Variants in ABTB3 observed in about 807,000 individuals in gnomAD.
ABTB3 encodes ankyrin repeat and BTB domain containing 3.
At chr12:107,498,352 A>G in the ABTB3 span, among the ~76,000 whole-genome samples, 1 of 152,212 alleles carries the variant, frequency 6.6e-6, no homozygotes, top group Non-Finnish European at 1.5e-5. Context: ...GAATGACACC[A>G]TCAGGCCCCC....
chr12:107,626,599 C>T, the ABTB3 span, among the ~76,000 whole-genome samples: 1 of 152,044 alleles, frequency 6.6e-6, no homozygotes, highest in African/African-American at 2.4e-5. Flanking sequence ...CTGCCTGCCT[C>T]AGCCTCCCAA....
At chr12:107,483,859 T>C in the ABTB3 span, among the ~76,000 whole-genome samples, 2 of 152,094 alleles carry the variant, frequency 1.3e-5, no homozygotes, top group Non-Finnish European at 2.9e-5. Flanking sequence ...GCTAATTTTT[T>C]TAAAAAAGTT....
At chr12:107,321,398 C>A in the ABTB3 span, among the ~76,000 whole-genome samples, 1 of 152,182 alleles carries the variant, frequency 6.6e-6, no homozygotes, top group Non-Finnish European at 1.5e-5. Context: ...CCTTTGGAAA[C>A]CGACCCTGCC....
the ABTB3 span, among the ~76,000 whole-genome samples, chr12:107,657,094 A>T: frequency 6.6e-6 from 1 of 152,232 alleles, no homozygotes; most frequent in Non-Finnish European, 1.5e-5. Context: ...TTCCAGCTCC[A>T]GGATTTGTGC....
chr12:107,438,511 T>C, the ABTB3 span, among the ~76,000 whole-genome samples: 4 of 152,212 alleles, frequency 2.6e-5, no homozygotes, highest in African/African-American at 9.7e-5. Context: ...ACCAGAAACC[T>C]GTGTGCTGCA....
At chr12:107,391,015 G>T in the ABTB3 span, among the ~76,000 whole-genome samples, 1 of 152,162 alleles carries the variant, frequency 6.6e-6, no homozygotes. Context: ...GCTGGGTGTG[G>T]TGGCATGTGC....
At chr12:107,416,297 T>A in the ABTB3 span, among the ~76,000 whole-genome samples, 1 of 152,176 alleles carries the variant, frequency 6.6e-6, no homozygotes, top group African/African-American at 2.4e-5. Flanking sequence ...CGTATGCTCT[T>A]CCTTCCTTTT....
chr12:107,519,331 C>CTT, the ABTB3 span, among the ~76,000 whole-genome samples: 13,671 of 139,988 alleles, frequency 0.098, 793 homozygotes, highest in South Asian at 0.15. Context: ...TTTTCTTTTT[C>CTT]TTTTTTTTTT....
the ABTB3 span, among the ~76,000 whole-genome samples, chr12:107,652,818 G>T: frequency 5.3e-5 from 8 of 152,258 alleles, no homozygotes; most frequent in African/African-American, 1.9e-4. Context: ...ACTGCATTTT[G>T]TTCCACGTGC....
At chr12:107,511,224 A>G in the ABTB3 span, among the ~76,000 whole-genome samples, 2 of 152,242 alleles carry the variant, frequency 1.3e-5, no homozygotes, top group African/African-American at 2.4e-5. Context: ...ACACAGCAAC[A>G]TGGGGAAAAG....
the ABTB3 span, chr12:107,649,176 G>A: frequency 6.3e-7 from 1 of 1,590,786 alleles, no homozygotes; most frequent in Non-Finnish European, 8.6e-7. Flanking sequence ...CGTCTTTGCT[G>A]TTGACACTGT....
chr12:107,331,296 C>T, the ABTB3 span, among the ~76,000 whole-genome samples: 2 of 152,232 alleles, frequency 1.3e-5, no homozygotes, highest in African/African-American at 4.8e-5. Flanking sequence ...AGCAAAGCCA[C>T]AGGTGCTTCC....
the ABTB3 span, among the ~76,000 whole-genome samples, chr12:107,340,083 G>A: frequency 2.6e-5 from 4 of 151,376 alleles, no homozygotes; most frequent in Admixed American, 6.6e-5. Flanking sequence ...GCCCCCCAAC[G>A]AAATTGTTGT....
the ABTB3 span, among the ~76,000 whole-genome samples, chr12:107,478,837 G>T: frequency 6.6e-6 from 1 of 151,946 alleles, no homozygotes; most frequent in South Asian, 2.1e-4. Context: ...CTCAGCCACT[G>T]ACCCCTCAAA....
At chr12:107,424,876 C>CGTTT in the ABTB3 span, among the ~76,000 whole-genome samples, 1 of 152,174 alleles carries the variant, frequency 6.6e-6, no homozygotes, top group Admixed American at 6.5e-5. Flanking sequence ...GAATGGGCCA[C>CGTTT]GCCTGTTAGG....
chr12:107,340,897 C>T, the ABTB3 span, among the ~76,000 whole-genome samples: 103 of 152,288 alleles, frequency 6.8e-4, 1 homozygote, highest in African/African-American at 2.3e-3. Flanking sequence ...AACAGAAGGG[C>T]GGTGCTGAGT....
chr12:107,442,054 A>G, the ABTB3 span, among the ~76,000 whole-genome samples: 1 of 152,186 alleles, frequency 6.6e-6, no homozygotes, highest in Non-Finnish European at 1.5e-5. Context: ...TAAGTCTGGC[A>G]CGCAGCCCTG....
chr12:107,585,041 C>T, the ABTB3 span, among the ~76,000 whole-genome samples: 8 of 151,836 alleles, frequency 5.3e-5, no homozygotes, highest in South Asian at 2.1e-4. Context: ...TTAATATATT[C>T]GACAGGGTTT....
chr12:107,656,163 T>C, the ABTB3 span, among the ~76,000 whole-genome samples: 1 of 148,704 alleles, frequency 6.7e-6, no homozygotes. Context: ...TAGCCGGACA[T>C]GGTGGCGCAC....
Sources: allele counts gnomAD v4.1 joint callset (sites outside exome capture counted in the v4.1 genomes callset), GRCh38; gene constraint gnomAD v4.1.1; transcripts MANE v1.5; gene names NCBI Gene and HGNC (gene_info 2026-07-23, HGNC 2026-07-21).